AK8: variants seen among roughly 807,000 people sequenced by gnomAD.
AK8 encodes adenylate kinase 8, also known as ATP-AMP transphosphorylase 8.
AK8 carries 44 observed loss-of-function variants against 54.6 expected under a neutral mutation model. The ratio of observed to expected loss-of-function variants is 0.81; its 90% confidence interval spans 0.63 to 1.04. AK8 has a LOEUF of 1.04. AK8 is among the 50% of genes least tolerant of loss of function. The pLI, the probability that AK8 is intolerant of heterozygous loss-of-function variation, is 0.00. For missense variants in AK8, 555 were observed against 613.6 expected, an observed-to-expected ratio of 0.90 and a Z score of 1.01; for synonymous variants, 239 against 245.6, an observed-to-expected ratio of 0.97 and a Z score of 0.25.
chr9:132,811,396 A>G (rs1010343821), intron 10 of AK8, among the ~76,000 whole-genome samples: 1 of 152,206 alleles, frequency 6.6e-6, no homozygotes, highest in Non-Finnish European at 1.5e-5. Context: ...AGTCAGAGAG[A>G]GAGAGATTGG....
chr9:132,843,844 A>T (rs1842634881), intron 5 of AK8, among the ~76,000 whole-genome samples: 1 of 152,198 alleles, frequency 6.6e-6, no homozygotes. Context: ...AACCATAGGA[A>T]TGAATATATC....
At chr9:132,824,140 C>T (rs1841776524) in intron 8 of AK8, among the ~76,000 whole-genome samples, 1 of 152,200 alleles carries the variant, frequency 6.6e-6, no homozygotes. Context: ...CAGGTCACCT[C>T]CCGCTGGAGC....
chr9:132,878,403 C>T (rs1844257711), upstream of AK8: 3 of 1,240,494 alleles, frequency 2.4e-6, no homozygotes, highest in East Asian at 3.2e-5. This position sits in a 1 kb window ranked among gnomAD's most constrained non-coding sequence, Gnocchi z 4.7. Flanking sequence ...CGCCCCCGCC[C>T]CGACCTCCCC....
At chr9:132,757,861 G>GA (rs35204280) in intron 11 of AK8, among the ~76,000 whole-genome samples, 62 of 151,976 alleles carry the variant, frequency 4.1e-4, no homozygotes, top group Non-Finnish European at 6.8e-4. Flanking sequence ...CTAAGGGAGG[G>GA]AAAAAAAAGG....
chr9:132,812,164 T>C (rs1588157784), intron 10 of AK8, among the ~76,000 whole-genome samples: 1 of 97,412 alleles, frequency 1.0e-5, no homozygotes, highest in African/African-American at 3.6e-5. Context: ...TGGAGAGAAA[T>C]GGAGAGAAAT....
intron 2 of AK8, among the ~76,000 whole-genome samples, chr9:132,867,337 T>C (rs1185830535): frequency 2.6e-5 from 4 of 152,242 alleles, no homozygotes; most frequent in East Asian, 3.8e-4. Flanking sequence ...CTTTTCTTTA[T>C]GTTTATGCCG....
In AK8 at chr9:132,780,318, G is replaced by A. The variant is rs1277316936; in HGVS notation, c.1121+12316C>T. Among the ~76,000 whole-genome samples, 3 of 152,214 alleles carry A rather than the reference G, an allele frequency of 2.0e-5. No homozygotes were observed. In the East Asian group the frequency reaches 5.8e-4, roughly 29 times the overall value. ...TTCCAGACCTGAGGGGACAGGCTTG[G>A]CCCCAGCAGACTGCGCTGAGTGCGG... On this transcript the variant is annotated intron_variant, in intron 11 of 12. Transcript: ENST00000298545.
chr9:132,863,768 A>T lies in AK8; in HGVS notation c.230T>A (p.Leu77His). Residue 77 changes from leucine (L) to histidine (H), a missense_variant, in exon 4 of 13, where the codon CTC becomes CAC. Leu to His is a moderately conservative substitution (Grantham distance 99, BLOSUM62 -3). Transcript: ENST00000298545. ...ASGKTTIAMW[L>H]CKHLNSSLLT... ...GAGACTGCTGTTCAGATGTTTGCAG[A>T]GCCACATTGCCTGAAGAAAGGAAAG... 1 of 1,612,540 alleles carries T rather than the reference A, an allele frequency of 6.2e-7. No individual in the cohort carries two copies. Among genetic ancestry groups the T allele is most frequent in the Non-Finnish European group, 8.5e-7 (1 of 1,178,938 alleles).
chr9:132,869,234 C>A (rs949876840), intron 2 of AK8, among the ~76,000 whole-genome samples: 1 of 152,202 alleles, frequency 6.6e-6, no homozygotes, highest in Non-Finnish European at 1.5e-5. Context: ...TCTATCCCAG[C>A]GTGGCTCATA....
chr9:132,844,713 G>A (rs748624732), intron 5 of AK8, among the ~76,000 whole-genome samples: 14 of 152,150 alleles, frequency 9.2e-5, no homozygotes, highest in African/African-American at 2.7e-4. Context: ...TAACAACAGC[G>A]TGGACATGAT....
rs1354030641 is a variant in AK8 at position 132,837,032 on chromosome 9, G to A, written c.403-8306C>T. Among the ~76,000 whole-genome samples, 1 of 152,146 alleles carries A rather than the reference G, an allele frequency of 6.6e-6. No homozygotes were observed. Among genetic ancestry groups the A allele is most frequent in the East Asian group, 1.9e-4 (1 of 5,182 alleles). On this transcript the variant is annotated intron_variant, in intron 5 of 12. Coordinates refer to ENST00000298545, the MANE Select transcript of AK8 (RefSeq NM_152572.3). The surrounding 1 kb of genome is among the most constrained non-coding windows in gnomAD (Gnocchi z 4.3). ...CAGACCAAACTCAGCCTAAGAATGG[G>A]AGAACGGGCCAGGCGTGGTGGTTCA...
At chr9:132,808,365 C>T (rs969377401) in intron 10 of AK8, among the ~76,000 whole-genome samples, 23 of 152,130 alleles carry the variant, frequency 1.5e-4, no homozygotes, top group African/African-American at 4.8e-4. Context: ...AGTCCAGGCA[C>T]AGAATAAGCA....
At chr9:132,868,955 G>C (rs1367867430) in intron 2 of AK8, among the ~76,000 whole-genome samples, 1 of 152,174 alleles carries the variant, frequency 6.6e-6, no homozygotes, top group Non-Finnish European at 1.5e-5. Flanking sequence ...GAGATGGGCG[G>C]ATCACTTGAG....
chr9:132,785,790 T>G (rs2131144673), intron 11 of AK8, among the ~76,000 whole-genome samples: 1 of 152,360 alleles, frequency 6.6e-6, no homozygotes, highest in South Asian at 2.1e-4. Flanking sequence ...TCCATATAGC[T>G]TTTTAGTTGT....
At chr9:132,842,465 A>G (rs1440278222) in intron 5 of AK8, among the ~76,000 whole-genome samples, 1 of 150,896 alleles carries the variant, frequency 6.6e-6, no homozygotes, top group Non-Finnish European at 1.5e-5. Context: ...TGCTGTGAGC[A>G]TGTGTAACAG....
chr9:132,822,886 G>A (rs1841703363), intron 9 of AK8, among the ~76,000 whole-genome samples: 2 of 152,058 alleles, frequency 1.3e-5, no homozygotes, highest in South Asian at 4.1e-4. Flanking sequence ...GGTGAGATGG[G>A]AGCCACCCCT....
chr9:132,734,180 A>T (rs1836990428), intron 11 of AK8, among the ~76,000 whole-genome samples: 1 of 152,228 alleles, frequency 6.6e-6, no homozygotes, highest in Admixed American at 6.5e-5. Flanking sequence ...AGGCTTGCGT[A>T]AAATACAGAT....
At position 132,740,693 on chromosome 9, in the gene AK8, C is replaced by G. The variant is rs148623050; in HGVS notation, c.1122-13159G>C. 1.2e-3 allele frequency among the ~76,000 whole-genome samples: 175 copies of G among 151,676 alleles called. 1 individual carries two copies. The highest frequency in any genetic ancestry group is 4.0e-3 in the African/African-American group (165 of 41,442). The stretch of plus-strand genomic sequence containing the variant: ...GAGACCTGTGCACCTCTGGCCTCCT[C>G]CAGTCTTAGAGCTGAGCACCCCCCC... On this transcript the variant is annotated intron_variant, in intron 11 of 12. Coordinates refer to ENST00000298545, the MANE Select transcript of AK8 (RefSeq NM_152572.3).
chr9:132,732,922 A>G (rs1003243277), intron 11 of AK8, among the ~76,000 whole-genome samples: 4 of 152,190 alleles, frequency 2.6e-5, no homozygotes, highest in African/African-American at 7.2e-5. Context: ...TAAAACAACT[A>G]TGAGTCCCTG....
Sources: gnomAD v4.1 joint callset for allele counts (sites outside exome capture counted in the v4.1 genomes callset) on GRCh38, gnomAD v4.1.1 for gene constraint, Gnocchi (gnomAD v3.1) non-coding constraint, MANE v1.5 for transcripts, NCBI Gene and HGNC (gene_info 2026-07-23, HGNC 2026-07-21) for gene names.